PCBP3: variants seen among roughly 807,000 people sequenced by gnomAD.
PCBP3 encodes the protein poly(rC) binding protein 3.
Under a neutral mutation model 52.7 loss-of-function variants are expected in PCBP3, and 25 were observed. The ratio of observed to expected loss-of-function variants is 0.47; its 90% CI spans 0.35 to 0.66. The LOEUF (loss-of-function observed/expected upper bound fraction) is 0.66, where lower values mean the gene tolerates loss of function less well. Ranked by LOEUF, PCBP3 falls within the 30% of genes least tolerant of loss-of-function variation. The probability of loss-of-function intolerance (pLI) is 0.01; values close to 1 mark genes in which losing one functional copy is unlikely to be tolerated. For synonymous variants in PCBP3, 162 were observed against 183.0 expected (o/e 0.89, Z 0.93); for missense variants, 391 against 490.3 (o/e 0.80, Z 1.91).
intron 4 of PCBP3, among the ~76,000 whole-genome samples, chr21:45,793,290 A>G (rs1034109310): frequency 1.3e-5 from 2 of 152,228 alleles, no homozygotes; most frequent in Middle Eastern, 3.4e-3. Context: ...GCCACGGACT[A>G]TTGAGAACGC....
Position 45,909,357 on chromosome 21 carries a change from TATC to T in PCBP3, c.347_349del (p.Ile116del), listed in dbSNP as rs780978107. 21 of 1,611,942 alleles carry T rather than the reference TATC, an allele frequency of 1.3e-5. No individual in the cohort carries two copies. Among genetic ancestry groups the T allele is most frequent in the Non-Finnish European group, 1.7e-5 (20 of 1,179,362 alleles). On this transcript the variant is annotated inframe_deletion, in exon 10 of 18. Transcript: ENST00000681687. Reference sequence around the variant, plus strand: ...CAACACACGTGTCTCTCCCCTAGGATATCATCAACTCCATGAGCAACAGCCCTG... The same window carrying T: ...CAACACACGTGTCTCTCCCCTAGGATATCAACTCCATGAGCAACAGCCCTG...
chr21:45,679,903 G>C (rs955437836), intron 2 of PCBP3, among the ~76,000 whole-genome samples: 2 of 152,172 alleles, frequency 1.3e-5, no homozygotes, highest in Admixed American at 1.3e-4. Flanking sequence ...TGAAGTTCAT[G>C]CTTTTGCCTA....
rs539105638 is a variant in PCBP3 at position 45,853,510 on chromosome 21, C to T, written c.10+3415C>T. 2.6e-5 allele frequency among the ~76,000 whole-genome samples: 4 copies of T among 152,186 alleles called. No homozygotes were observed. Among genetic ancestry groups the T allele is most frequent in the South Asian group, 2.1e-4 (1 of 4,836 alleles). Reference sequence around the variant, plus strand: ...GGGAGCAGCCCGAGCAAGCAGCTCACGGGCCCCAGCGACAGAATTTTCTGG... The same window carrying T: ...GGGAGCAGCCCGAGCAAGCAGCTCATGGGCCCCAGCGACAGAATTTTCTGG... On this transcript the variant is annotated intron_variant, in intron 5 of 17. Coordinates refer to ENST00000681687, the MANE Select transcript of PCBP3 (RefSeq NM_001384156.1). The surrounding 1 kb of genome is among the most constrained non-coding windows in gnomAD (Gnocchi z 4.6).
At chr21:45,685,278 A>G (rs941241053) in intron 2 of PCBP3, among the ~76,000 whole-genome samples, 3 of 152,210 alleles carry the variant, frequency 2.0e-5, no homozygotes, top group Non-Finnish European at 4.4e-5. Flanking sequence ...TTTAATGGAT[A>G]CAGAGTTTCA....
chr21:45,682,994 AG>A (rs1225467073), intron 2 of PCBP3, among the ~76,000 whole-genome samples: 3 of 152,174 alleles, frequency 2.0e-5, no homozygotes, highest in African/African-American at 7.2e-5. Context: ...TTTTCCAGTG[AG>A]GCCTGGGATA....
At chr21:45,699,326 C>T (rs1425962944) in intron 2 of PCBP3, among the ~76,000 whole-genome samples, 4 of 152,076 alleles carry the variant, frequency 2.6e-5, no homozygotes, top group East Asian at 1.9e-4. Context: ...CTGACTCCTG[C>T]GATTGATTCT....
intron 4 of PCBP3, among the ~76,000 whole-genome samples, chr21:45,838,727 T>A (rs2093640497): frequency 2.6e-5 from 4 of 152,200 alleles, no homozygotes; most frequent in Non-Finnish European, 5.9e-5. Flanking sequence ...ATGACTAAAT[T>A]TAGAGCAATA....
intron 16 of PCBP3, among the ~76,000 whole-genome samples, chr21:45,937,772 A>C (rs1408285224): frequency 6.6e-6 from 1 of 152,190 alleles, no homozygotes; most frequent in African/African-American, 2.4e-5. Flanking sequence ...CCTCCCCTGC[A>C]CTGAGCCAGC....
chr21:45,868,026 G>A (rs1603458730), intron 5 of PCBP3, among the ~76,000 whole-genome samples: 1 of 152,272 alleles, frequency 6.6e-6, no homozygotes, highest in African/African-American at 2.4e-5. Context: ...CAGCCAGGGG[G>A]TCTGGCACCT....
At chr21:45,665,456 G>A (rs562330621) in intron 1 of PCBP3, among the ~76,000 whole-genome samples, 13 of 152,076 alleles carry the variant, frequency 8.5e-5, no homozygotes, top group East Asian at 3.9e-4. Context: ...TTTGTATCCC[G>A]AAACTCTACT....
chr21:45,913,168 G>C (rs11089030), intron 11 of PCBP3, among the ~76,000 whole-genome samples: 3 of 152,130 alleles, frequency 2.0e-5, no homozygotes, highest in Admixed American at 2.0e-4. Context: ...AGGAGAAGGA[G>C]GGCAGGCTAA....
intron 5 of PCBP3, among the ~76,000 whole-genome samples, chr21:45,867,679 G>C (rs999730663): frequency 6.6e-6 from 1 of 152,272 alleles, no homozygotes; most frequent in Non-Finnish European, 1.5e-5. Context: ...CAGGAGCTCT[G>C]GGGGCTGCGC....
intron 4 of PCBP3, among the ~76,000 whole-genome samples, chr21:45,759,439 C>G (rs180715280): frequency 7.2e-5 from 11 of 152,220 alleles, no homozygotes; most frequent in Admixed American, 3.3e-4. Flanking sequence ...TTTATCTTGT[C>G]AAATATCACC....
intron 5 of PCBP3, among the ~76,000 whole-genome samples, chr21:45,879,737 A>T (rs1368772809): frequency 6.6e-6 from 1 of 152,122 alleles, no homozygotes; most frequent in Non-Finnish European, 1.5e-5. Context: ...GAGGAAGTAT[A>T]AAAAAATTAG....
intron 4 of PCBP3, among the ~76,000 whole-genome samples, chr21:45,820,253 C>T (rs897841435): frequency 3.3e-5 from 5 of 152,262 alleles, no homozygotes; most frequent in East Asian, 3.8e-4. Context: ...ACACCCAGTC[C>T]GGCTGCCATG....
chr21:45,799,015 A>G (rs1313463594), intron 4 of PCBP3, among the ~76,000 whole-genome samples: 1 of 150,138 alleles, frequency 6.7e-6, no homozygotes, highest in African/African-American at 2.4e-5. Context: ...GAGAGAGTGA[A>G]TGGATGTGTA....
chr21:45,683,815 A>G (rs2081994322), intron 2 of PCBP3, among the ~76,000 whole-genome samples: 1 of 151,680 alleles, frequency 6.6e-6, no homozygotes, highest in Admixed American at 6.6e-5. Context: ...AGTTCCAGCT[A>G]CTCGGGAGGC....
chr21:45,764,178 A>C (rs1197963463), intron 4 of PCBP3, among the ~76,000 whole-genome samples: 1 of 147,602 alleles, frequency 6.8e-6, no homozygotes, highest in African/African-American at 2.5e-5. Flanking sequence ...GCTGGAGTGC[A>C]ATGGCGCAAT....
intron 3 of PCBP3, chr21:45,751,339 A>T (rs1438658421): frequency 6.6e-6 from 1 of 152,188 alleles, no homozygotes; most frequent in East Asian, 1.9e-4. Context: ...TATTGTAAAC[A>T]TATATAACAT....
Sources: gnomAD v4.1 joint callset for allele counts (sites outside exome capture counted in the v4.1 genomes callset) on GRCh38, gnomAD v4.1.1 for gene constraint, Gnocchi (gnomAD v3.1) non-coding constraint, MANE v1.5 for transcripts, NCBI Gene and HGNC (gene_info 2026-07-23, HGNC 2026-07-21) for gene names.